MDC1: variants seen among roughly 807,000 people sequenced by gnomAD.
The protein encoded by MDC1 is mediator of DNA damage checkpoint protein 1.
In MDC1, 81 loss-of-function variants were observed where a neutral mutation model predicts 142.5. The observed-to-expected ratio is 0.57, with a 90% CI of 0.47 to 0.68. The LOEUF (loss-of-function observed/expected upper bound fraction) is 0.68, where lower values mean the gene tolerates loss of function less well. Ranked by LOEUF, MDC1 falls within the 30% of genes least tolerant of loss-of-function variation. The probability of loss-of-function intolerance (pLI) is 0.00; values close to 1 mark genes in which losing one functional copy is unlikely to be tolerated. For missense variants in MDC1, 2,119 were observed against 2,547.9 expected (o/e 0.83, Z 3.62); for synonymous variants, 797 against 968.4 (o/e 0.82, Z 3.29).
In MDC1 at chr6:30,700,374, C is replaced by T; in HGVS notation, c.*91G>A. On this transcript the variant is annotated 3_prime_UTR_variant, in exon 15 of 15. Transcript: ENST00000376406. ...ACCCATGTTCCAGGACAAGTTGTAT[C>T]AATATACCCCAATCCTTTCTAACGC... The T allele has an allele frequency of 7.5e-7, 1 of 1,325,336 alleles. No homozygotes were observed. Among genetic ancestry groups the T allele is most frequent in the Non-Finnish European group, 1.0e-6 (1 of 979,070 alleles). The allele number at this position is 1,325,336 out of a possible 1,614,324, so 82.1% of individuals were successfully genotyped here. A position where few individuals can be genotyped will look rare whatever the true frequency, so the allele number is the denominator to read the frequency against.
At position 30,706,074 on chromosome 6, in the gene MDC1, A is replaced by T. The variant is rs1773746658; in HGVS notation, c.3109T>A (p.Cys1037Ser). The change falls in exon 10 of 15, where the codon TGT becomes AGT. Residue 1037 changes from cysteine to serine, a missense_variant. Physicochemically the swap from Cys to Ser is moderately radical, Grantham distance 112. Transcript: ENST00000376406. ...GCTTCAGGTACTGTAGGAGGCAGAC[A>T]AGCATCTGGAGATTCCTGATCGCCC... is the stretch of plus-strand genomic sequence containing the variant. ...SRGDQESPDA[C>S]LPPTVPEAPA... The T allele has an allele frequency of 6.3e-7, 1 of 1,592,392 alleles. No homozygotes were observed. The highest frequency in any genetic ancestry group is 8.5e-7 in the Non-Finnish European group (1 of 1,176,760).
intron 14 of MDC1, among the ~76,000 whole-genome samples, chr6:30,701,821 G>A (rs1047501612): frequency 6.6e-6 from 1 of 151,782 alleles, no homozygotes; most frequent in African/African-American, 2.4e-5. Flanking sequence ...TAAAATGTAC[G>A]TATTTCTTAG....
chr6:30,703,013 T>C lies in MDC1; in HGVS notation c.5865+91A>G, dbSNP rs771489509. On this transcript the variant is annotated intron_variant, in intron 12 of 14. Transcript: ENST00000376406. The surrounding 1 kb of genome is among the most constrained non-coding windows in gnomAD (Gnocchi z 4.4). ...TGGCTCACCAATGCCCCTGTCTTCCTGTAACGCCTCTTCCCTTCCACCACT... is the reference window on the plus strand; with the variant it reads ...TGGCTCACCAATGCCCCTGTCTTCCCGTAACGCCTCTTCCCTTCCACCACT... 6 of 1,575,976 alleles carry C rather than the reference T, an allele frequency of 3.8e-6. No individual in the cohort carries two copies. The highest frequency in any genetic ancestry group is 5.2e-6 in the Non-Finnish European group (6 of 1,158,630).
Position 30,707,993 on chromosome 6 carries a change from T to G in MDC1, c.2586A>C (p.Lys862Asn), listed in dbSNP as rs1774199488. The G allele has an allele frequency of 6.2e-7, 1 of 1,612,972 alleles. No homozygotes were observed. The highest frequency in any genetic ancestry group is 1.3e-5 in the African/African-American group (1 of 74,944). The change falls in exon 8 of 15, where the codon AAA (lysine) becomes AAC (asparagine). Residue 862 changes from lysine to asparagine, a missense_variant. Transcript: ENST00000376406. ...TCTGGGTGTCTCTAGCTAACAACTG[T>G]TTTTGTTCTCTGTCCTGTTTCCCCT... Reference protein sequence around the residue: ...LTKGKQDREQKQLLARDTQRQ... With the variant: ...LTKGKQDREQNQLLARDTQRQ...
chr6:30,705,739 G>T lies in MDC1; in HGVS notation c.3444C>A (p.Ser1148Arg). ...TCTTGACAGAGGACCTATTTGTCCTGCTCCTAGTGGCCTGAGATGTGGGCT... is the reference window on the plus strand; with the variant it reads ...TCTTGACAGAGGACCTATTTGTCCTTCTCCTAGTGGCCTGAGATGTGGGCT... Reference protein sequence around the residue: ...TPKPTSQATRSRTNRSSVKTP... With the variant: ...TPKPTSQATRRRTNRSSVKTP... Residue 1148 changes from serine (S) to arginine (R), a missense_variant, in exon 10 of 15, where the codon AGC (serine) becomes AGA (arginine). By Grantham distance (110) the Ser-to-Arg change is moderately radical (BLOSUM62 -1). Transcript: ENST00000376406. 3 of 1,612,484 alleles carry T rather than the reference G, an allele frequency of 1.9e-6. No homozygotes were observed. The highest frequency in any genetic ancestry group is 2.7e-5 in the African/African-American group (2 of 74,792).
chr6:30,707,975 GT>G lies in MDC1; in HGVS notation c.2603del (p.Asp868AlafsTer23). On this transcript the variant is annotated frameshift_variant, in exon 8 of 15. Transcript: ENST00000376406. LOFTEE classifies it high-confidence loss of function. Reference protein sequence around the residue: ...DREQKQLLARDTQRQESDKNG... With the variant: ...DREQKQLLARXTQRQESDKNG... Reference sequence around the variant, plus strand: ...TTTTGTCAGATTCTTGTCTCTGGGTGTCTCTAGCTAACAACTGTTTTTGTTC... The same window carrying G: ...TTTTGTCAGATTCTTGTCTCTGGGTGCTCTAGCTAACAACTGTTTTTGTTC... 2 of 1,613,056 alleles carry G rather than the reference GT, an allele frequency of 1.2e-6. No homozygotes were observed. Among genetic ancestry groups the G allele is most frequent in the Non-Finnish European group, 1.7e-6 (2 of 1,180,030 alleles).
chr6:30,705,653 G>C lies in MDC1; in HGVS notation c.3530C>G (p.Pro1177Arg), dbSNP rs1235491018. 6.2e-7 allele frequency: 1 copy of C among 1,609,486 alleles called. No homozygotes were observed. Among genetic ancestry groups the C allele is most frequent in the South Asian group, 1.1e-5 (1 of 90,672 alleles). Residue 1177 changes from proline to arginine, a missense_variant, in exon 10 of 15, where the codon CCT becomes CGT. Physicochemically the swap from Pro to Arg is moderately radical, Grantham distance 103. Transcript: ENST00000376406. ...ELQPSTSTDQ[P>R]VTSEPTSQVT... ...CTGAGATGTGGGCTCAGAGGTGACA[G>C]GCTGGTCTGTGGAGGTGGAAGGCTG...
Position 30,699,849 on chromosome 6 carries a change from G to A in MDC1, c.*616C>T, listed in dbSNP as rs963760746. 1 of 217,926 alleles carries A rather than the reference G, an allele frequency of 4.6e-6. No individual in the cohort carries two copies. The highest frequency in any genetic ancestry group is 9.2e-6 in the Non-Finnish European group (1 of 108,694). The allele number at this position is 217,926 out of a possible 1,614,324, so 13.5% of individuals were successfully genotyped here. A position where few individuals can be genotyped will look rare whatever the true frequency, so the allele number is the denominator to read the frequency against. ...ATTTATTTATCACAGAGGTCAAGCC[G>A]AAGCTCTAATTTTATAAATCCTGGA... is the stretch of plus-strand genomic sequence containing the variant. On this transcript the variant is annotated 3_prime_UTR_variant, in exon 15 of 15. Transcript: ENST00000376406.
In MDC1 at chr6:30,709,154, C is replaced by T. The variant is rs962798226; in HGVS notation, c.2222-797G>A. On this transcript the variant is annotated intron_variant, in intron 7 of 14. Coordinates refer to ENST00000376406, the MANE Select transcript of MDC1 (RefSeq NM_014641.3). This position sits in a 1 kb window ranked among gnomAD's most constrained non-coding sequence, Gnocchi z 4.2. ...GGCTCAGGAGATCCTCCCACCTCAG[C>T]CTCCCAAGTAGCTGGGACTACGGCA... 1.3e-5 allele frequency among the ~76,000 whole-genome samples: 2 copies of T among 152,196 alleles called. No homozygotes were observed. The highest frequency in any genetic ancestry group is 4.8e-5 in the African/African-American group (2 of 41,456).
At position 30,707,943 on chromosome 6, in the gene MDC1, T is replaced by C. The variant is rs61752708; in HGVS notation, c.2636A>G (p.Glu879Gly). Reference protein sequence around the residue: ...TQRQESDKNGESASPERDRES... With the variant: ...TQRQESDKNGGSASPERDRES... The stretch of plus-strand genomic sequence containing the variant: ...CCTATCTCTTTCAGGACTTGCACTT[T>C]CCCCATTTTTGTCAGATTCTTGTCT... Residue 879 changes from glutamate to glycine, a missense_variant, in exon 8 of 15, where the codon GAA becomes GGA. Coordinates refer to ENST00000376406, the MANE Select transcript of MDC1 (RefSeq NM_014641.3). 4 of 1,613,088 alleles carry C rather than the reference T, an allele frequency of 2.5e-6. 1 individual carries two copies. The highest frequency in any genetic ancestry group is 2.5e-6 in the Non-Finnish European group (3 of 1,180,028).
chr6:30,713,765 C>T lies in MDC1; in HGVS notation c.517+38G>A, dbSNP rs200461805. The T allele has an allele frequency of 5.9e-5, 95 of 1,613,640 alleles. No homozygotes were observed. The highest frequency in any genetic ancestry group is 4.2e-4 in the Admixed American group (25 of 59,984). ...AGTTGACAATTGTACACTCATTATT[C>T]CTGTCTCCTCATTCTCCCTGCCAAT... is the stretch of plus-strand genomic sequence containing the variant. On this transcript the variant is annotated intron_variant, in intron 3 of 14. Transcript: ENST00000376406. This position sits in a 1 kb window ranked among gnomAD's most constrained non-coding sequence, Gnocchi z 4.9.
In MDC1 at chr6:30,704,632, T is replaced by C. The variant is rs777588049; in HGVS notation, c.4551A>G (p.Gly1517=). ...TSEPTSRTTR[G]RKNRSSVKTP... ...TCTTGACAGAGGACCGATTTTTTCT[T>C]CCCCTAGTGGTCCGAGATGTGGGCT... Residue 1517 remains glycine (G), a synonymous_variant, in exon 10 of 15, where the codon GGA becomes GGG. Coordinates refer to ENST00000376406, the MANE Select transcript of MDC1 (RefSeq NM_014641.3). 6.3e-7 allele frequency: 1 copy of C among 1,587,022 alleles called. No individual in the cohort carries two copies. The highest frequency in any genetic ancestry group is 8.5e-7 in the Non-Finnish European group (1 of 1,170,530).
chr6:30,704,459 G>C lies in MDC1; in HGVS notation c.4724C>G (p.Ala1575Gly). The change falls in exon 10 of 15, where the codon GCC (alanine) becomes GGC (glycine). Residue 1575 changes from alanine to glycine, a missense_variant. Ala to Gly is a moderately conservative substitution (Grantham distance 60). Transcript: ENST00000376406. ...VKTPESIVPI[A>G]PELQPSTSRN... ...GGAGGTGGAAGGCTGAAGCTCAGGG[G>C]CTATAGGGACAATTGATTCAGGGGT... 1 of 1,612,574 alleles carries C rather than the reference G, an allele frequency of 6.2e-7. No homozygotes were observed. The highest frequency in any genetic ancestry group is 8.5e-7 in the Non-Finnish European group (1 of 1,179,498).
In MDC1 at chr6:30,716,959, C is replaced by G. The variant is rs1775742165; in HGVS notation, c.-4+286G>C. On this transcript the variant is annotated intron_variant, in intron 1 of 14. Transcript: ENST00000376406. This position sits in a 1 kb window ranked among gnomAD's most constrained non-coding sequence, Gnocchi z 4.4. ...TGCCCCATGGATAAAGTGTCAACTC[C>G]GTCTTTATGACAGGCCAACTCAGCG... 1.0e-6 allele frequency: 1 copy of G among 980,240 alleles called. No homozygotes were observed. The highest frequency in any genetic ancestry group is 4.7e-5 in the South Asian group (1 of 21,188). 60.7% of individuals were successfully genotyped at this position (980,240 alleles called of 1,614,324 possible). A position where few individuals can be genotyped will look rare whatever the true frequency, so the allele number is the denominator to read the frequency against.
chr6:30,703,471 G>A lies in MDC1; in HGVS notation c.5629C>T (p.Pro1877Ser). 1.9e-6 allele frequency: 3 copies of A among 1,613,942 alleles called. No individual in the cohort carries two copies. The highest frequency in any genetic ancestry group is 2.5e-6 in the Non-Finnish European group (3 of 1,180,040). The change falls in exon 11 of 15, where the codon CCA becomes TCA. Residue 1877 changes from proline to serine, a missense_variant. Physicochemically the swap from Pro to Ser is moderately conservative, Grantham distance 74. Coordinates refer to ENST00000376406, the MANE Select transcript of MDC1 (RefSeq NM_014641.3). The surrounding 1 kb of genome is among the most constrained non-coding windows in gnomAD (Gnocchi z 4.4). Reference protein sequence around the residue: ...DQAEEEPNRIPSRSLRRTKLN... With the variant: ...DQAEEEPNRISSRSLRRTKLN... The stretch of plus-strand genomic sequence containing the variant: ...TTGGTCCGTCGGAGGCTGCGGCTTG[G>A]TATTCTGTTGGGCTCCTCCTCTGCC...
rs1406122220 is a variant in MDC1 at position 30,715,480 on chromosome 6, A to T, written c.-3-302T>A. The stretch of plus-strand genomic sequence containing the variant: ...CAGCCTCCCAAGTAGCTGAGATTAC[A>T]GGCACCTGCCACCATGCCTGGCTAA... On this transcript the variant is annotated intron_variant, in intron 1 of 14. Transcript: ENST00000376406. The surrounding 1 kb of genome is among the most constrained non-coding windows in gnomAD (Gnocchi z 4.1). 6.6e-6 allele frequency among the ~76,000 whole-genome samples: 1 copy of T among 152,170 alleles called. No individual in the cohort carries two copies. Among genetic ancestry groups the T allele is most frequent in the Admixed American group, 6.5e-5 (1 of 15,278 alleles).
intron 6 of MDC1, 28 bp downstream of exon 6, chr6:30,711,639 A>G: frequency 3.1e-6 from 5 of 1,612,062 alleles, no homozygotes; most frequent in Non-Finnish European, 4.2e-6. Context: ...CCACTGGTAC[A>G]GGATTCAAAT....
rs764178877 is a variant in MDC1 at position 30,703,322 on chromosome 6, C to T, written c.5683-36G>A. ...GTTGACCTGAGGTGGTTACGGCAAC[C>T]CATGCCATCAGCACCCATCTCTACA... On this transcript the variant is annotated intron_variant, in intron 11 of 14. Transcript: ENST00000376406. The surrounding 1 kb of genome is among the most constrained non-coding windows in gnomAD (Gnocchi z 4.4). The T allele has an allele frequency of 5.0e-6, 8 of 1,608,726 alleles. No homozygotes were observed. In the African/African-American group the frequency reaches 9.4e-5, roughly 19 times the overall value.
Position 30,708,097 on chromosome 6 carries a change from T to C in MDC1, c.2482A>G (p.Arg828Gly). 1 of 1,613,114 alleles carries C rather than the reference T, an allele frequency of 6.2e-7. No individual in the cohort carries two copies. The highest frequency in any genetic ancestry group is 8.5e-7 in the Non-Finnish European group (1 of 1,180,032). Reference protein sequence around the residue: ...KETAERVGPERGPLERETEKL... With the variant: ...KETAERVGPEGGPLERETEKL... ...TCAGTTTCTCTCTCCAATGGCCCTC[T>C]CTCAGGGCCCACCCTCTCTGCTGTT... is the stretch of plus-strand genomic sequence containing the variant. The change falls in exon 8 of 15, where the codon AGA becomes GGA. Residue 828 changes from arginine to glycine, a missense_variant. Transcript: ENST00000376406.
Sources: allele counts gnomAD v4.1 joint callset (sites outside exome capture counted in the v4.1 genomes callset), GRCh38; gene constraint gnomAD v4.1.1; non-coding constraint Gnocchi (gnomAD v3.1); transcripts MANE v1.5; gene names NCBI Gene and HGNC (gene_info 2026-07-23, HGNC 2026-07-21).